NRG3: variants seen among roughly 807,000 people sequenced by gnomAD.
NRG3 encodes pro-neuregulin-3, membrane-bound isoform.
In NRG3, 31 loss-of-function variants were observed where a neutral mutation model predicts 66.9. That is an observed-to-expected ratio of 0.46 (90% CI 0.35 to 0.63). NRG3 has a LOEUF of 0.63. Among genes scored for constraint, NRG3 ranks in the 20% least tolerant of loss-of-function variants. The probability of loss-of-function intolerance (pLI) is 0.00; values close to 1 mark genes in which losing one functional copy is unlikely to be tolerated. For synonymous variants in NRG3, 393 were observed against 359.4 expected (o/e 1.09, Z -1.06); for missense variants, 910 against 878.9 (o/e 1.04, Z -0.45).
intron 2 of NRG3, among the ~76,000 whole-genome samples, chr10:82,708,732 G>T (rs986110940): frequency 6.6e-6 from 1 of 151,932 alleles, no homozygotes; most frequent in Non-Finnish European, 1.5e-5. Context: ...AATTAATATT[G>T]AATTCATCTT....
chr10:82,980,603 G>A (rs1253945642), intron 8 of NRG3, among the ~76,000 whole-genome samples: 2 of 152,138 alleles, frequency 1.3e-5, no homozygotes, highest in East Asian at 3.9e-4. Flanking sequence ...TATGGGCATG[G>A]GATATATGGA....
intron 3 of NRG3, among the ~76,000 whole-genome samples, chr10:82,808,938 G>A (rs2061389530): frequency 6.6e-6 from 1 of 152,172 alleles, no homozygotes; most frequent in Non-Finnish European, 1.5e-5. Flanking sequence ...TCACAGTAGA[G>A]GTGCTATTTG....
At chr10:82,567,630 T>C (rs1354703822) in intron 2 of NRG3, among the ~76,000 whole-genome samples, 3 of 151,918 alleles carry the variant, frequency 2.0e-5, no homozygotes, top group Non-Finnish European at 4.4e-5. Flanking sequence ...GACAAATACA[T>C]ATAAATCAAT....
At chr10:82,111,169 T>TA (rs1321227618) in intron 1 of NRG3, among the ~76,000 whole-genome samples, 6 of 152,154 alleles carry the variant, frequency 3.9e-5, no homozygotes, top group Admixed American at 1.3e-4. Context: ...GGAAATAAGA[T>TA]ACTTGCTTAT....
intron 1 of NRG3, among the ~76,000 whole-genome samples, chr10:82,202,736 G>GT (rs1185956842): frequency 1.3e-5 from 2 of 152,154 alleles, no homozygotes; most frequent in Admixed American, 6.5e-5. Flanking sequence ...CCCTGTTGAG[G>GT]TTTTTTTTGT....
Position 82,344,680 on chromosome 10 carries a change from A to G in NRG3, c.824-14059A>G, listed in dbSNP as rs1004084948. 3.2e-5 allele frequency among the ~76,000 whole-genome samples: 4 copies of G among 124,294 alleles called. 1 individual carries two copies. The highest frequency in any genetic ancestry group is 2.6e-4 in the East Asian group (1 of 3,844). The allele number at this position is 124,294 out of a possible 152,430, so 81.5% of individuals were successfully genotyped here. A position where few individuals can be genotyped will look rare whatever the true frequency, so the allele number is the denominator to read the frequency against. ...GTTGAACTAGTTTACAGTCCCACCA[A>G]CAGTGTAAAAGTGTTCCTATTTCTC... On this transcript the variant is annotated intron_variant, in intron 1 of 8. Coordinates refer to ENST00000372141, the MANE Select transcript of NRG3 (RefSeq NM_001010848.4).
chr10:82,094,724 T>C (rs927740933), intron 1 of NRG3, among the ~76,000 whole-genome samples: 3 of 152,214 alleles, frequency 2.0e-5, no homozygotes, highest in Non-Finnish European at 4.4e-5. Flanking sequence ...GAAATCATGT[T>C]TCTTGCAGCA....
At chr10:81,954,684 T>C (rs1849663447) in intron 1 of NRG3, among the ~76,000 whole-genome samples, 1 of 151,326 alleles carries the variant, frequency 6.6e-6, no homozygotes, top group South Asian at 2.1e-4. Flanking sequence ...AAAGGAGGGG[T>C]GGGTGTGAAT....
intron 2 of NRG3, among the ~76,000 whole-genome samples, chr10:82,366,672 T>G (rs749828595): frequency 2.0e-5 from 3 of 152,214 alleles, no homozygotes; most frequent in Non-Finnish European, 4.4e-5. Flanking sequence ...CTGTTGACTT[T>G]TTTATTTTTT....
chr10:82,517,535 T>G (rs964798163), intron 2 of NRG3, among the ~76,000 whole-genome samples: 1 of 152,058 alleles, frequency 6.6e-6, no homozygotes. Context: ...TTGTGTGTCT[T>G]CAAAATGTTA....
At chr10:82,353,867 G>T (rs770415677) in intron 1 of NRG3, among the ~76,000 whole-genome samples, 1 of 151,528 alleles carries the variant, frequency 6.6e-6, no homozygotes, top group African/African-American at 2.4e-5. Flanking sequence ...TTTTCTTCTC[G>T]TTTGTCCTCT....
intron 1 of NRG3, among the ~76,000 whole-genome samples, chr10:82,302,607 C>A (rs1422115421): frequency 4.6e-5 from 7 of 152,064 alleles, no homozygotes; most frequent in Non-Finnish European, 8.8e-5. Flanking sequence ...TACAATTTCA[C>A]ATCACAGACC....
intron 8 of NRG3, among the ~76,000 whole-genome samples, chr10:82,979,740 G>A (rs752023906): frequency 5.3e-5 from 8 of 152,166 alleles, no homozygotes; most frequent in Non-Finnish European, 1.2e-4. Context: ...ATGGTGAGCT[G>A]AGTACAGGAT....
chr10:82,168,277 A>G (rs922406169), intron 1 of NRG3, among the ~76,000 whole-genome samples: 2 of 151,948 alleles, frequency 1.3e-5, no homozygotes, highest in African/African-American at 4.8e-5. Context: ...AACCTATTCC[A>G]AGGCTCTCCG....
At chr10:82,498,891 A>G (rs374039270) in intron 2 of NRG3, among the ~76,000 whole-genome samples, 8 of 152,262 alleles carry the variant, frequency 5.3e-5, no homozygotes, top group African/African-American at 1.9e-4. Context: ...TGTATTATGC[A>G]GTAAATTTAG....
At chr10:81,886,678 GTATGTTT>G (rs2132521164) in intron 1 of NRG3, among the ~76,000 whole-genome samples, 1 of 152,246 alleles carries the variant, frequency 6.6e-6, no homozygotes, top group South Asian at 2.1e-4. Context: ...ATGTGCATTT[GTATGTTT>G]TAAGTTAAAA....
chr10:82,294,238 T>C (rs2079917692), intron 1 of NRG3, among the ~76,000 whole-genome samples: 1 of 152,142 alleles, frequency 6.6e-6, no homozygotes. Flanking sequence ...TCACAAATCC[T>C]CTTCAAAATA....
At chr10:82,902,379 C>A (rs1281844078) in intron 4 of NRG3, among the ~76,000 whole-genome samples, 1 of 150,990 alleles carries the variant, frequency 6.6e-6, no homozygotes, top group Admixed American at 6.6e-5. Context: ...TGCAGCATTT[C>A]TTTTTTTTTG....
intron 1 of NRG3, among the ~76,000 whole-genome samples, chr10:82,216,690 C>G (rs1280660285): frequency 1.3e-5 from 2 of 150,368 alleles, no homozygotes; most frequent in East Asian, 3.9e-4. Flanking sequence ...CTTAAATTTT[C>G]TTCAGTCTCA....
Sources: gnomAD v4.1 joint callset for allele counts (sites outside exome capture counted in the v4.1 genomes callset) on GRCh38, gnomAD v4.1.1 for gene constraint, MANE v1.5 for transcripts, NCBI Gene and HGNC (gene_info 2026-07-23, HGNC 2026-07-21) for gene names.